NIPSNAP3B: variants seen among roughly 807,000 people sequenced by gnomAD.
NIPSNAP3B encodes the protein protein NipSnap homolog 3B.
Under a neutral mutation model 31.5 loss-of-function variants are expected in NIPSNAP3B, and 30 were observed. The observed-to-expected ratio is 0.95, with a 90% CI of 0.71 to 1.29. The LOEUF is 1.29. Among genes scored for constraint, NIPSNAP3B ranks in the 50% most tolerant of loss-of-function variants. The probability of loss-of-function intolerance (pLI) is 0.00; values close to 1 mark genes in which losing one functional copy is unlikely to be tolerated. For missense variants in NIPSNAP3B, 269 were observed against 300.7 expected (o/e 0.89, Z 0.78); for synonymous variants, 106 against 107.9 (o/e 0.98, Z 0.11).
At position 104,776,163 on chromosome 9, in the gene NIPSNAP3B, C is replaced by T. The variant is rs547207649; in HGVS notation, c.*3090C>T. On this transcript the variant is annotated 3_prime_UTR_variant, in exon 6 of 6. Transcript: ENST00000374762. ...TCTGTCCTGTTACATTTTCCACTCT[C>T]GCTCCAGACCTGACCTAAGAGGCTT... Among the ~76,000 whole-genome samples, 7 of 152,272 alleles carry T rather than the reference C, an allele frequency of 4.6e-5. No homozygotes were observed. Among genetic ancestry groups the T allele is most frequent in the Admixed American group, 2.6e-4 (4 of 15,286 alleles).
At chr9:104,784,382 G>T in the NIPSNAP3B span, 1 of 1,614,078 alleles carries the variant, frequency 6.2e-7, no homozygotes, top group Non-Finnish European at 8.5e-7. Context: ...GTCCACTACT[G>T]TCTGGTTTTT....
intron 2 of NIPSNAP3B, among the ~76,000 whole-genome samples, chr9:104,766,966 C>CCATATG (rs1186098404): frequency 5.9e-5 from 9 of 151,898 alleles, no homozygotes; most frequent in Non-Finnish European, 1.0e-4. Flanking sequence ...ATGGTATTGA[C>CCATATG]GAAGATGGAA....
At chr9:104,772,242 T>G (rs1174070376) in intron 4 of NIPSNAP3B, among the ~76,000 whole-genome samples, 1 of 151,534 alleles carries the variant, frequency 6.6e-6, no homozygotes, top group African/African-American at 2.4e-5. Flanking sequence ...CTCTTAAGTG[T>G]AATTAGATAC....
At chr9:104,788,433 A>G in the NIPSNAP3B span, 3 of 1,614,036 alleles carry the variant, frequency 1.9e-6, no homozygotes, top group East Asian at 6.7e-5. Flanking sequence ...TACCTTGCCA[A>G]CTTCTTTCTC....
chr9:104,788,612 T>C, the NIPSNAP3B span: 2 of 1,607,942 alleles, frequency 1.2e-6, no homozygotes, highest in African/African-American at 2.7e-5. Context: ...CAGGTAGAGA[T>C]ACTCTGGTTA....
chr9:104,778,918 G>A (rs138612769), downstream of NIPSNAP3B, among the ~76,000 whole-genome samples: 182 of 152,228 alleles, frequency 1.2e-3, no homozygotes, highest in African/African-American at 2.7e-3. Context: ...AAAGGCTGGC[G>A]AGATCCTGTG....
chr9:104,788,291 T>A, the NIPSNAP3B span: 1 of 1,293,648 alleles, frequency 7.7e-7, no homozygotes, highest in Non-Finnish European at 1.1e-6. Context: ...TGAAAGCAGA[T>A]ACAAAGAACC....
Position 104,773,276 on chromosome 9 carries a change from T to G in NIPSNAP3B, c.*203T>G. The G allele has an allele frequency of 1.7e-6, 1 of 581,334 alleles. No homozygotes were observed. Among genetic ancestry groups the G allele is most frequent in the Admixed American group, 3.2e-5 (1 of 31,454 alleles). 36.0% of individuals were successfully genotyped at this position (581,334 alleles called of 1,614,324 possible). A position where few individuals can be genotyped will look rare whatever the true frequency, so the allele number is the denominator to read the frequency against. ...ATTCAGTTCACTTTCACCTTGGCAT[T>G]TCAGTATCTGTTACACATTAGAAGT... On this transcript the variant is annotated 3_prime_UTR_variant, in exon 6 of 6. Coordinates refer to ENST00000374762, the MANE Select transcript of NIPSNAP3B (RefSeq NM_018376.4).
At chr9:104,787,046 T>A in the NIPSNAP3B span, 5 of 1,372,076 alleles carry the variant, frequency 3.6e-6, no homozygotes, top group African/African-American at 1.4e-5. Flanking sequence ...TGTTTTTAAA[T>A]GCAGAAGCAT....
intron 3 of NIPSNAP3B, 25 bp downstream of exon 3, chr9:104,769,046 G>A: frequency 6.4e-7 from 1 of 1,567,486 alleles, no homozygotes. Flanking sequence ...CTTAGACTAT[G>A]AGTTTTAATG....
Position 104,766,506 on chromosome 9 carries a change from C to T in NIPSNAP3B, c.242C>T (p.Thr81Met), listed in dbSNP as rs780686797. 19 of 1,613,386 alleles carry T rather than the reference C, an allele frequency of 1.2e-5. No homozygotes were observed. Among genetic ancestry groups the T allele is most frequent in the South Asian group, 1.1e-4 (10 of 91,050 alleles). Residue 81 changes from threonine (T) to methionine (M), a missense_variant, in exon 2 of 6, where the codon ACG becomes ATG. Thr to Met is a moderately conservative substitution (Grantham distance 81). Coordinates refer to ENST00000374762, the MANE Select transcript of NIPSNAP3B (RefSeq NM_018376.4). Reference protein sequence around the residue: ...GFWSVEFGGRTNKVFHIWKYD... With the variant: ...GFWSVEFGGRMNKVFHIWKYD... ...TGGAGTGTAGAATTTGGAGGCAGAA[C>T]GAATAAAGTGTTTCATATTTGGAAG...
chr9:104,783,355 C>T, the NIPSNAP3B span: 1 of 152,218 alleles, frequency 6.6e-6, no homozygotes, highest in African/African-American at 2.4e-5. Context: ...AAATAATACA[C>T]TTGTGTCAGA....
Position 104,773,241 on chromosome 9 carries a change from T to G in NIPSNAP3B, c.*168T>G. The G allele has an allele frequency of 1.6e-6, 1 of 638,386 alleles. No individual in the cohort carries two copies. Among genetic ancestry groups the G allele is most frequent in the Non-Finnish European group, 2.7e-6 (1 of 370,992 alleles). The allele number at this position is 638,386 out of a possible 1,614,324, so 39.5% of individuals were successfully genotyped here. A position where few individuals can be genotyped will look rare whatever the true frequency, so the allele number is the denominator to read the frequency against. ...TGAAAGTTACATATTCTCCACTGCT[T>G]TAAGAAATAATTCAGTTCACTTTCA... On this transcript the variant is annotated 3_prime_UTR_variant, in exon 6 of 6. Coordinates refer to ENST00000374762, the MANE Select transcript of NIPSNAP3B (RefSeq NM_018376.4).
the NIPSNAP3B span, chr9:104,784,561 C>A: frequency 7.5e-7 from 1 of 1,332,130 alleles, no homozygotes; most frequent in South Asian, 1.2e-5. Context: ...TAGGAGCATA[C>A]AGAATTACAT....
chr9:104,777,247 CTT>C lies in NIPSNAP3B; in HGVS notation c.*4175_*4176del, dbSNP rs1828356228. Reference sequence around the variant, plus strand: ...CTGGACTTCATTCTCAGCACCATCTCTTAACCTACTGAGTAAATCCTATGAAC... The same window carrying C: ...CTGGACTTCATTCTCAGCACCATCTCAACCTACTGAGTAAATCCTATGAAC... On this transcript the variant is annotated 3_prime_UTR_variant, in exon 6 of 6. Coordinates refer to ENST00000374762, the MANE Select transcript of NIPSNAP3B (RefSeq NM_018376.4). The C allele has an allele frequency of 6.6e-6, 1 of 152,240 alleles. No individual in the cohort carries two copies. Among genetic ancestry groups the C allele is most frequent in the Non-Finnish European group, 1.5e-5 (1 of 68,054 alleles). 9.4% of individuals were successfully genotyped at this position (152,240 alleles called of 1,614,324 possible).
chr9:104,788,576 G>C, the NIPSNAP3B span: 1 of 1,614,064 alleles, frequency 6.2e-7, no homozygotes, highest in Non-Finnish European at 8.5e-7. Context: ...TACTGCAAAG[G>C]ACAAGAAAAC....
At chr9:104,769,406 A>T (rs1828161527) in intron 3 of NIPSNAP3B, among the ~76,000 whole-genome samples, 1 of 141,756 alleles carries the variant, frequency 7.1e-6, no homozygotes, top group South Asian at 2.2e-4. Context: ...GTGAGCCGAG[A>T]TCTCGCCACT....
the NIPSNAP3B span, chr9:104,788,330 A>G: frequency 2.0e-5 from 31 of 1,556,852 alleles, no homozygotes; most frequent in Non-Finnish European, 2.6e-5. Flanking sequence ...ATTCATGAGG[A>G]AAAACAGCCT....
At chr9:104,781,457 G>T (rs940912674), downstream of NIPSNAP3B, 1 of 152,558 alleles carries the variant, frequency 6.6e-6, no homozygotes, top group Non-Finnish European at 1.5e-5. Flanking sequence ...AAGTGGTTCA[G>T]TATTACATGA....
Sources: allele counts gnomAD v4.1 joint callset (sites outside exome capture counted in the v4.1 genomes callset), GRCh38; gene constraint gnomAD v4.1.1; transcripts MANE v1.5; gene names NCBI Gene and HGNC (gene_info 2026-07-23, HGNC 2026-07-21).